ZSWIM5: variants seen among roughly 807,000 people sequenced by gnomAD.
The protein encoded by ZSWIM5 is zinc finger SWIM domain-containing protein 5.
A neutral mutation model predicts 119.6 loss-of-function variants in ZSWIM5; 55 were observed. The observed-to-expected ratio is 0.46, with a 90% confidence interval of 0.37 to 0.58. The LOEUF (loss-of-function observed/expected upper bound fraction) is 0.58. Ranked by LOEUF, ZSWIM5 falls within the 20% of genes least tolerant of loss-of-function variation. The probability of loss-of-function intolerance (pLI) is 0.00; values close to 1 mark genes in which losing one functional copy is unlikely to be tolerated. For synonymous variants in ZSWIM5, 537 were observed against 606.9 expected (o/e 0.88, Z 1.69); for missense variants, 1,193 against 1,512.8 (o/e 0.79, Z 3.51).
intron 1 of ZSWIM5, among the ~76,000 whole-genome samples, chr1:45,160,093 T>C (rs569125427): frequency 1.3e-5 from 2 of 152,240 alleles, no homozygotes; most frequent in African/African-American, 2.4e-5. Context: ...TTTTTAAAAA[T>C]AGAAAAGGGT....
rs1645287820 is a variant in ZSWIM5 at position 45,081,239 on chromosome 1, CTCCCT to C, written c.952+6637_952+6641del. Among the ~76,000 whole-genome samples, 5 of 65,116 alleles carry C rather than the reference CTCCCT, an allele frequency of 7.7e-5. No individual in the cohort carries two copies. In the East Asian group the frequency reaches 1.4e-3, roughly 18 times the overall value. The allele number at this position is 65,116 out of a possible 152,430, so 42.7% of individuals were successfully genotyped here. On this transcript the variant is annotated intron_variant, in intron 2 of 13. Coordinates refer to ENST00000359600, the MANE Select transcript of ZSWIM5 (RefSeq NM_020883.2). Reference sequence around the variant, plus strand: ...CTGTTTATCAGAAATCTTTATCTAGCTCCCTCTCCCTCTCCCTCTCCCTCTCCCTC... The same window carrying C: ...CTGTTTATCAGAAATCTTTATCTAGCCTCCCTCTCCCTCTCCCTCTCCCTC...
intron 1 of ZSWIM5, among the ~76,000 whole-genome samples, chr1:45,124,087 C>G (rs1645607397): frequency 6.6e-6 from 1 of 152,056 alleles, no homozygotes; most frequent in South Asian, 2.1e-4. Context: ...AATCTGCTGT[C>G]TACCCTAAAA....
intron 1 of ZSWIM5, among the ~76,000 whole-genome samples, chr1:45,109,332 G>C (rs1305538947): frequency 2.0e-5 from 3 of 152,196 alleles, no homozygotes; most frequent in Non-Finnish European, 4.4e-5. Context: ...CAACTCTAGT[G>C]AATCAAAATT....
chr1:45,143,835 A>G (rs1007696820), intron 1 of ZSWIM5, among the ~76,000 whole-genome samples: 1 of 152,140 alleles, frequency 6.6e-6, no homozygotes, highest in South Asian at 2.1e-4. Context: ...AAAACCAAAC[A>G]TATTTCTTTA....
intron 1 of ZSWIM5, among the ~76,000 whole-genome samples, chr1:45,167,118 A>T (rs1007439392): frequency 6.6e-6 from 1 of 152,116 alleles, no homozygotes; most frequent in Non-Finnish European, 1.5e-5. Context: ...CTGGTACCAA[A>T]ACAGAGATAT....
At position 45,074,939 on chromosome 1, in the gene ZSWIM5, AT is replaced by A. The variant is rs1229639569; in HGVS notation, c.952+12941del. ...TTCCATTATCATTGGTTTTAAGAAAATTTTCAATTTCCTCTTAATTTCTTTA... is the reference window on the plus strand; with the variant it reads ...TTCCATTATCATTGGTTTTAAGAAAATTTCAATTTCCTCTTAATTTCTTTA... On this transcript the variant is annotated intron_variant, in intron 2 of 13. Transcript: ENST00000359600. 1.3e-5 allele frequency among the ~76,000 whole-genome samples: 2 copies of A among 151,724 alleles called. 1 individual carries two copies. Among genetic ancestry groups the A allele is most frequent in the African/African-American group, 4.9e-5 (2 of 41,168 alleles).
intron 1 of ZSWIM5, among the ~76,000 whole-genome samples, chr1:45,137,034 C>T (rs545578926): frequency 6.6e-6 from 1 of 152,306 alleles, no homozygotes; most frequent in Non-Finnish European, 1.5e-5. Context: ...TCTACCAGAT[C>T]TTACCCTCAC....
rs79387187 is a variant in ZSWIM5, at chr1:45,034,254, T to C, written c.2449+58A>G. On this transcript the variant is annotated intron_variant, in intron 11 of 13. Coordinates refer to ENST00000359600, the MANE Select transcript of ZSWIM5 (RefSeq NM_020883.2). ...GAGACTGCAGGCCAAGCCTTTGACATGCCATGGTTGGGCAGGCAGACGGGT... is the reference window on the plus strand; with the variant it reads ...GAGACTGCAGGCCAAGCCTTTGACACGCCATGGTTGGGCAGGCAGACGGGT... 2,494 of 1,517,762 alleles carry C rather than the reference T, an allele frequency of 1.6e-3. 39 individuals carry two copies. The African/African-American group carries it at 0.031, about 19-fold the overall frequency. The allele number at this position is 1,517,762 out of a possible 1,614,324, so 94.0% of individuals were successfully genotyped here.
chr1:45,157,919 T>A (rs1312495968), intron 1 of ZSWIM5, among the ~76,000 whole-genome samples: 2 of 152,190 alleles, frequency 1.3e-5, no homozygotes, highest in African/African-American at 4.8e-5. Context: ...TGATGACTAA[T>A]GATTGAATGT....
chr1:45,019,298 C>T lies in ZSWIM5; in HGVS notation c.2714G>A (p.Ser905Asn). The change falls in exon 14 of 14, where the codon AGC becomes AAC. Residue 905 changes from serine (S) to asparagine (N), a missense_variant. By Grantham distance (46) the Ser-to-Asn change is conservative (BLOSUM62 1). This residue lies in a region of ZSWIM5 where 961 missense variants were observed against 1,290.0 expected (regional missense o/e 0.74). Coordinates refer to ENST00000359600, the MANE Select transcript of ZSWIM5 (RefSeq NM_020883.2). The surrounding 1 kb of genome is among the most constrained non-coding windows in gnomAD (Gnocchi z 5.0). ...ATEVGVRALV[S>N]ILQSWYTLFT... ...GAGTGTGTACCAGCTCTGCAAGATG[C>T]TCACCAGGGCCCGCACACCTGTCAG... The T allele has an allele frequency of 6.2e-7, 1 of 1,611,250 alleles. No individual in the cohort carries two copies.
chr1:45,024,192 C>CTTTTTTTT (rs59909524), intron 11 of ZSWIM5, among the ~76,000 whole-genome samples: 1 of 129,510 alleles, frequency 7.7e-6, no homozygotes, highest in Non-Finnish European at 1.6e-5. Context: ...CTTTTCTTTT[C>CTTTTTTTT]TTTTTTTTTT....
At chr1:45,123,958 A>C (rs1391350865) in intron 1 of ZSWIM5, among the ~76,000 whole-genome samples, 1 of 152,178 alleles carries the variant, frequency 6.6e-6, no homozygotes, top group Non-Finnish European at 1.5e-5. Context: ...AGGCCAGAAG[A>C]AATAACACAG....
rs1458702399 is a variant in ZSWIM5, at chr1:45,206,235, GC to G, written c.115del (p.Ala39GlnfsTer164). The G allele has an allele frequency of 3.2e-6, 5 of 1,583,994 alleles. No individual in the cohort carries two copies. Among genetic ancestry groups the G allele is most frequent in the Admixed American group, 1.8e-5 (1 of 55,322 alleles). On this transcript the variant is annotated frameshift_variant, in exon 1 of 14. Coordinates refer to ENST00000359600, the MANE Select transcript of ZSWIM5 (RefSeq NM_020883.2). LOFTEE classifies it high-confidence loss of function. ...GACGCCCCCTGCCCCTCCGCCGGCT[GC>G]CCCAGGCGAACCGCGAGGGTGATGA... ...QAHHPRGSPG[A>X]AGGGAGGVGS... is the part of the protein sequence containing the mutation.
intron 1 of ZSWIM5, among the ~76,000 whole-genome samples, chr1:45,196,553 G>T (rs1646127051): frequency 6.6e-6 from 1 of 151,620 alleles, no homozygotes; most frequent in Non-Finnish European, 1.5e-5. Context: ...ACCACGCCCG[G>T]CTAATTTTTT....
intron 2 of ZSWIM5, among the ~76,000 whole-genome samples, chr1:45,073,528 G>A (rs1281310092): frequency 1.3e-5 from 2 of 151,428 alleles, no homozygotes; most frequent in East Asian, 3.9e-4. Flanking sequence ...CAAAGTGATG[G>A]GATTACAGAC....
Position 45,018,327 on chromosome 1 carries a change from G to T in ZSWIM5, c.*127C>A. On this transcript the variant is annotated 3_prime_UTR_variant, in exon 14 of 14. Coordinates refer to ENST00000359600, the MANE Select transcript of ZSWIM5 (RefSeq NM_020883.2). This position sits in a 1 kb window ranked among gnomAD's most constrained non-coding sequence, Gnocchi z 6.7. ...CTGGACTTTCCCCATCCTTAGCCCT[G>T]TGGTCCTTTGGCCTCATCCACAGGT... is the stretch of plus-strand genomic sequence containing the variant. 3.4e-6 allele frequency: 4 copies of T among 1,184,408 alleles called. No homozygotes were observed. The highest frequency in any genetic ancestry group is 4.7e-6 in the Non-Finnish European group (4 of 849,244). The allele number at this position is 1,184,408 out of a possible 1,614,324, so 73.4% of individuals were successfully genotyped here.
At chr1:45,099,041 C>A (rs1645421105) in intron 1 of ZSWIM5, among the ~76,000 whole-genome samples, 1 of 152,120 alleles carries the variant, frequency 6.6e-6, no homozygotes, top group African/African-American at 2.4e-5. Context: ...CAAGAAATAA[C>A]TAAGATCAGA....
intron 1 of ZSWIM5, among the ~76,000 whole-genome samples, chr1:45,138,745 G>A (rs1460361973): frequency 6.6e-6 from 1 of 152,040 alleles, no homozygotes. Flanking sequence ...CAGGTAGAGT[G>A]AAGGTTCCAA....
intron 2 of ZSWIM5, among the ~76,000 whole-genome samples, chr1:45,064,965 C>T (rs1409242306): frequency 6.6e-6 from 1 of 152,134 alleles, no homozygotes; most frequent in African/African-American, 2.4e-5. Context: ...TGAAGATAGC[C>T]AAATCCCATA....
Sources: gnomAD v4.1 joint callset for allele counts (sites outside exome capture counted in the v4.1 genomes callset) on GRCh38, gnomAD v4.1.1 for gene constraint, gnomAD v4.1.1 regional missense constraint, Gnocchi (gnomAD v3.1) non-coding constraint, MANE v1.5 for transcripts, NCBI Gene and HGNC (gene_info 2026-07-23, HGNC 2026-07-21) for gene names.